GIGYF2: variants seen among roughly 807,000 people sequenced by gnomAD.
The protein encoded by GIGYF2 is GRB10 interacting GYF protein 2.
Under a neutral mutation model 208.1 loss-of-function variants are expected in GIGYF2, and 25 were observed. That is an observed-to-expected ratio of 0.12 (90% CI 0.09 to 0.17). The LOEUF (loss-of-function observed/expected upper bound fraction) is 0.17, where lower values mean the gene tolerates loss of function less well. Among genes scored for constraint, GIGYF2 ranks in the 10% least tolerant of loss-of-function variants. The probability of loss-of-function intolerance (pLI) is 1.00; values close to 1 mark genes in which losing one functional copy is unlikely to be tolerated. For synonymous variants in GIGYF2, 534 were observed against 543.8 expected, an observed-to-expected ratio of 0.98 and a Z score of 0.25; for missense variants, 1,302 against 1,579.4, an observed-to-expected ratio of 0.82 and a Z score of 2.98.
intron 5 of GIGYF2, among the ~76,000 whole-genome samples, chr2:232,750,910 A>G (rs564574656): frequency 2.9e-4 from 44 of 152,134 alleles, no homozygotes; most frequent in Non-Finnish European, 4.6e-4. Context: ...GCTCACTACA[A>G]CCTTGAACTT....
At chr2:232,733,210 T>G (rs1384882297) in intron 2 of GIGYF2, among the ~76,000 whole-genome samples, 1 of 147,230 alleles carries the variant, frequency 6.8e-6, no homozygotes, top group Non-Finnish European at 1.5e-5. Flanking sequence ...TGAGCCGTGA[T>G]CGCGCCACTG....
At chr2:232,754,491 C>G (rs1347556615) in intron 5 of GIGYF2, among the ~76,000 whole-genome samples, 2 of 152,076 alleles carry the variant, frequency 1.3e-5, no homozygotes, top group Non-Finnish European at 2.9e-5. Context: ...GAGTGTGTCC[C>G]CACACATACA....
chr2:232,764,845 T>C (rs879328080), intron 8 of GIGYF2, among the ~76,000 whole-genome samples: 4 of 152,204 alleles, frequency 2.6e-5, no homozygotes, highest in Admixed American at 2.0e-4. Context: ...TAGTCGTTGT[T>C]ATTTGTGGTT....
rs1697677348 is a variant in GIGYF2 at position 232,735,061 on chromosome 2, A to T, written c.-43-94A>T. 3 of 670,078 alleles carry T rather than the reference A, an allele frequency of 4.5e-6. No homozygotes were observed. In the Admixed American group the frequency reaches 7.6e-5, roughly 17 times the overall value. 41.5% of individuals were successfully genotyped at this position (670,078 alleles called of 1,614,324 possible). On this transcript the variant is annotated intron_variant, in intron 2 of 28. Coordinates refer to ENST00000373563, the MANE Select transcript of GIGYF2 (RefSeq NM_001103146.3). ...CATTTTTGTGACTCTAGTTGAGAGG[A>T]GCATAAATAAAACACTCTCTAACTG...
At chr2:232,823,796 C>A (rs1217857085) in intron 21 of GIGYF2, among the ~76,000 whole-genome samples, 1 of 152,150 alleles carries the variant, frequency 6.6e-6, no homozygotes, top group Non-Finnish European at 1.5e-5. Context: ...AGAGGCATAC[C>A]TCATTTTATT....
chr2:232,826,534 A>T (rs1050836094), intron 21 of GIGYF2, among the ~76,000 whole-genome samples: 3 of 152,210 alleles, frequency 2.0e-5, no homozygotes, highest in African/African-American at 7.2e-5. Flanking sequence ...CAAAATAGAC[A>T]AATGGTATCT....
rs990326683 is a variant in GIGYF2, at chr2:232,813,138, G to A, written c.2107+647G>A. Reference sequence around the variant, plus strand: ...ATCAAATTAGAAAATTTGGGGTTGAGATTATTTTAAGTCTTGGTATGGGTG... The same window carrying A: ...ATCAAATTAGAAAATTTGGGGTTGAAATTATTTTAAGTCTTGGTATGGGTG... On this transcript the variant is annotated intron_variant, in intron 18 of 28. Coordinates refer to ENST00000373563, the MANE Select transcript of GIGYF2 (RefSeq NM_001103146.3). Among the ~76,000 whole-genome samples, 5 of 150,852 alleles carry A rather than the reference G, an allele frequency of 3.3e-5. No individual in the cohort carries two copies. In the South Asian group the frequency reaches 1.0e-3, roughly 31 times the overall value.
At chr2:232,777,551 T>C (rs1041414474) in intron 8 of GIGYF2, among the ~76,000 whole-genome samples, 2 of 152,166 alleles carry the variant, frequency 1.3e-5, no homozygotes, top group African/African-American at 2.4e-5. Flanking sequence ...GGGAAAATTA[T>C]TAATGTAGAC....
At position 232,790,924 on chromosome 2, in the gene GIGYF2, C is replaced by A. The variant is rs538135293; in HGVS notation, c.930+9C>A. On this transcript the variant is annotated intron_variant, in intron 10 of 28. Transcript: ENST00000373563. ...CATTCCTTTCTCTAAAAGTAAGAAACGTGTTTTAAATGTCATGACCAGCAT... is the reference window on the plus strand; with the variant it reads ...CATTCCTTTCTCTAAAAGTAAGAAAAGTGTTTTAAATGTCATGACCAGCAT... The A allele has an allele frequency of 1.2e-6, 2 of 1,612,758 alleles. No homozygotes were observed. The highest frequency in any genetic ancestry group is 1.7e-6 in the Non-Finnish European group (2 of 1,178,842).
chr2:232,774,515 G>A (rs935481444), intron 8 of GIGYF2, among the ~76,000 whole-genome samples: 1 of 152,094 alleles, frequency 6.6e-6, no homozygotes, highest in African/African-American at 2.4e-5. Flanking sequence ...TGCCAGATGA[G>A]AAGACAATTT....
rs200528702 is a variant in GIGYF2 at position 232,847,468 on chromosome 2, G to A, written c.3581G>A (p.Arg1194His). The A allele has an allele frequency of 5.5e-5, 88 of 1,613,598 alleles. No homozygotes were observed. Among genetic ancestry groups the A allele is most frequent in the South Asian group, 1.8e-4 (16 of 91,056 alleles). The change falls in exon 27 of 29, where the codon CGC becomes CAC. Residue 1194 changes from arginine to histidine, a missense_variant. Arg to His is a conservative substitution (Grantham distance 29). Coordinates refer to ENST00000373563, the MANE Select transcript of GIGYF2 (RefSeq NM_001103146.3). ...AKEFAKQFLE[R>H]RAKQKANQQR... ...GAGTTTGCCAAGCAGTTCCTTGAGC[G>A]CCGTGCCAAACAGAAAGCCAACCAG... is the stretch of plus-strand genomic sequence containing the variant.
At chr2:232,810,416 T>C (rs968551032) in intron 16 of GIGYF2, 1 of 153,932 alleles carries the variant, frequency 6.5e-6, no homozygotes, top group African/African-American at 2.4e-5. Flanking sequence ...TATATATGTA[T>C]ATAAGCGAGA....
intron 16 of GIGYF2, among the ~76,000 whole-genome samples, chr2:232,810,112 T>C (rs1180579110): frequency 1.3e-5 from 2 of 152,200 alleles, no homozygotes; most frequent in Admixed American, 6.5e-5. Flanking sequence ...TTCAGCCTCC[T>C]GAGTAGCTGG....
At chr2:232,761,214 G>A (rs892228420) in intron 7 of GIGYF2, among the ~76,000 whole-genome samples, 182 bp from the exon 8 acceptor site, 1 of 152,034 alleles carries the variant, frequency 6.6e-6, no homozygotes, top group Non-Finnish European at 1.5e-5. Flanking sequence ...TGAGGGGATG[G>A]ATATTTTTCT....
At chr2:232,840,015 G>C (rs368059926) in intron 23 of GIGYF2, 44 bp downstream of exon 23, 10 of 1,593,584 alleles carry the variant, frequency 6.3e-6, no homozygotes, top group African/African-American at 2.7e-5. Context: ...CGATGTTCCA[G>C]AATATCTAGC....
At chr2:232,760,740 A>C (rs1042887589) in intron 7 of GIGYF2, 149 bp downstream of exon 7, 2 of 614,724 alleles carry the variant, frequency 3.3e-6, no homozygotes, top group African/African-American at 3.8e-5. Context: ...GTACATTAGA[A>C]ATTTTTAAAT....
At chr2:232,718,118 C>CA (rs1696775770) in intron 2 of GIGYF2, among the ~76,000 whole-genome samples, 1 of 152,032 alleles carries the variant, frequency 6.6e-6, no homozygotes, top group Non-Finnish European at 1.5e-5. Flanking sequence ...GACGAATTCT[C>CA]ACTCTGTTGC....
chr2:232,818,173 C>A (rs1205985418), intron 20 of GIGYF2, among the ~76,000 whole-genome samples: 8 of 152,090 alleles, frequency 5.3e-5, no homozygotes, highest in Admixed American at 5.2e-4. Flanking sequence ...GCTTATTGAC[C>A]ATTCAAATGT....
chr2:232,790,137 A>G (rs283473), intron 9 of GIGYF2, among the ~76,000 whole-genome samples: 68,654 of 151,948 alleles, frequency 0.45, 16,089 homozygotes, highest in South Asian at 0.7. Context: ...AACTTTCAGC[A>G]CTGTAATTTT....
Sources: allele counts gnomAD v4.1 joint callset (sites outside exome capture counted in the v4.1 genomes callset), GRCh38; gene constraint gnomAD v4.1.1; transcripts MANE v1.5; gene names NCBI Gene and HGNC (gene_info 2026-07-23, HGNC 2026-07-21).